Variants in ACADS observed in about 807,000 individuals in gnomAD.
ACADS encodes acyl-CoA dehydrogenase short chain.
Under a neutral mutation model 46.8 loss-of-function variants are expected in ACADS, and 28 were observed. That is an observed-to-expected ratio of 0.60 (90% confidence interval 0.44 to 0.82). ACADS has a LOEUF of 0.82. ACADS is among the 40% of genes least tolerant of loss of function. ACADS has a pLI of 0.00. For synonymous variants in ACADS, 236 were observed against 237.7 expected (o/e 0.99, Z 0.07); for missense variants, 528 against 578.0 (o/e 0.91, Z 0.89).
At chr12:120,736,018 T>TGTCCCC (rs761854740) in intron 2 of ACADS, among the ~76,000 whole-genome samples, 1 of 148,134 alleles carries the variant, frequency 6.8e-6, no homozygotes, top group Non-Finnish European at 1.5e-5. Context: ...TCCCTGTCCC[T>TGTCCCC]GTCCCCGTCC....
chr12:120,729,260 T>TTTTTC, intron 2 of ACADS, among the ~76,000 whole-genome samples: 2 of 29,128 alleles, frequency 6.9e-5, no homozygotes. Flanking sequence ...TCTTTTTTCT[T>TTTTTC]TTTTTTTTTT....
rs71076650 is a variant in ACADS, at chr12:120,735,271, C to CAAA, written c.211-1699_211-1697dup. On this transcript the variant is annotated intron_variant, in intron 2 of 9. Transcript: ENST00000242592. Reference sequence around the variant, plus strand: ...TGGGCAACAAAGTGAGACTCTGTTTCAAAAAAAAAAAAAAAAAAGAAAAAA... The same window carrying CAAA: ...TGGGCAACAAAGTGAGACTCTGTTTCAAAAAAAAAAAAAAAAAAAAAGAAAAAA... Among the ~76,000 whole-genome samples the CAAA allele has an allele frequency of 9.0e-5, 5 of 55,644 alleles. No homozygotes were observed. The Admixed American group carries it at 1.1e-3, about 12-fold the overall frequency. 36.5% of individuals were successfully genotyped at this position (55,644 alleles called of 152,430 possible).
rs763181795 is a variant in ACADS at position 120,727,054 on chromosome 12, A to G, written c.75A>G (p.Leu25=). The G allele has an allele frequency of 9.3e-6, 15 of 1,614,114 alleles. No individual in the cohort carries two copies. The highest frequency in any genetic ancestry group is 2.2e-5 in the East Asian group (1 of 44,874). The part of the protein sequence containing the change: ...RALCPRAWRQ[L]HTIYQSVELP... ...TCTGTCCTAGGGCCTGGCGGCAGTT[A>G]CACACCATCTACCAGTCTGTGGAAC... The change falls in exon 2 of 10, where the codon TTA becomes TTG. Residue 25 remains leucine, a synonymous_variant. Coordinates refer to ENST00000242592, the MANE Select transcript of ACADS (RefSeq NM_000017.4).
chr12:120,732,337 G>T (rs1228545040), intron 2 of ACADS, among the ~76,000 whole-genome samples: 1 of 151,714 alleles, frequency 6.6e-6, no homozygotes, highest in Non-Finnish European at 1.5e-5. Context: ...CCCGGACGGG[G>T]TGGCTGCCGG....
chr12:120,732,803 C>T (rs1006217300), intron 2 of ACADS, among the ~76,000 whole-genome samples: 9 of 152,154 alleles, frequency 5.9e-5, no homozygotes, highest in Non-Finnish European at 1.0e-4. Context: ...AGACGCTCCT[C>T]ATTTCCCAGA....
chr12:120,737,489 C>T (rs1455853179), intron 4 of ACADS, 22 bp downstream of exon 4: 2 of 1,595,302 alleles, frequency 1.3e-6, no homozygotes, highest in Admixed American at 3.3e-5. Context: ...GTCCCCTCAC[C>T]TGTCCTTAGG....
intron 1 of ACADS, 48 bp downstream of exon 1, chr12:120,725,979 C>T: frequency 6.0e-6 from 9 of 1,491,730 alleles, no homozygotes; most frequent in South Asian, 2.5e-5. Flanking sequence ...CCGCGTCTGG[C>T]CCAGCGGGCG....
At chr12:120,726,003 C>A in intron 1 of ACADS, 72 bp downstream of exon 1, 1 of 1,432,462 alleles carries the variant, frequency 7.0e-7, no homozygotes. Context: ...GTCCTGGCGG[C>A]CGGCTCTGTC....
intron 1 of ACADS, among the ~76,000 whole-genome samples, chr12:120,726,261 C>T (rs900321331): frequency 1.3e-5 from 2 of 151,948 alleles, no homozygotes; most frequent in African/African-American, 4.8e-5. Flanking sequence ...TGAACCAGAC[C>T]CGCATCTGTG....
At chr12:120,734,988 A>T (rs1699181494) in intron 2 of ACADS, among the ~76,000 whole-genome samples, 1 of 151,216 alleles carries the variant, frequency 6.6e-6, no homozygotes, top group Non-Finnish European at 1.5e-5. Context: ...CTGGCTTCAA[A>T]TGATCCACCC....
Position 120,736,527 on chromosome 12 carries a change from C to T in ACADS, c.211-459C>T, listed in dbSNP as rs139476971. On this transcript the variant is annotated intron_variant, in intron 2 of 9. Coordinates refer to ENST00000242592, the MANE Select transcript of ACADS (RefSeq NM_000017.4). ...GGCTGGGGATGGCAGCCCAAAGCAG[C>T]GAGGCCTGAGCTGCGATCAGAAGGA... 1.9e-3 allele frequency among the ~76,000 whole-genome samples: 286 copies of T among 152,284 alleles called. 1 individual carries two copies. Among genetic ancestry groups the T allele is most frequent in the African/African-American group, 6.6e-3 (276 of 41,528 alleles).
chr12:120,737,741 T>G, intron 4 of ACADS, 96 bp from the exon 5 acceptor site: 1 of 1,559,864 alleles, frequency 6.4e-7, no homozygotes, highest in African/African-American at 1.4e-5. Flanking sequence ...GTCATAGGGT[T>G]TCGTGTCTGC....
Position 120,737,969 on chromosome 12 carries a change from A to G in ACADS, c.605A>G (p.Asp202Gly). The change falls in exon 5 of 10, where the codon GAC becomes GGC. Residue 202 changes from aspartate (D) to glycine (G), a missense_variant. Asp to Gly is a moderately conservative substitution (Grantham distance 94, BLOSUM62 -1). Transcript: ENST00000242592. ...ASAAVVFAST[D>G]RALQNKGISA... is the part of the protein sequence containing the mutation. ...GCTGCCGTGGTCTTTGCCAGCACGG[A>G]CAGAGCCCTGCAAAACAAGGTGGGC... is the stretch of plus-strand genomic sequence containing the variant. 1 of 1,614,018 alleles carries G rather than the reference A, an allele frequency of 6.2e-7. No homozygotes were observed. The highest frequency in any genetic ancestry group is 8.5e-7 in the Non-Finnish European group (1 of 1,180,026).
chr12:120,727,138 G>T lies in ACADS; in HGVS notation c.159G>T (p.Leu53Phe). Residue 53 changes from leucine (L) to phenylalanine (F), a missense_variant, in exon 2 of 10, where the codon TTG (leucine) becomes TTT (phenylalanine). By Grantham distance (22) the Leu-to-Phe change is conservative (BLOSUM62 0). Transcript: ENST00000242592. ...GCCGGGACTTTGCCGAGAAGGAGTTGTTTCCCATTGCAGCCCAGGTGGATA... is the reference window on the plus strand; with the variant it reads ...GCCGGGACTTTGCCGAGAAGGAGTTTTTTCCCATTGCAGCCCAGGTGGATA... ...QTCRDFAEKE[L>F]FPIAAQVDKE... 6.2e-7 allele frequency: 1 copy of T among 1,614,184 alleles called. No individual in the cohort carries two copies. The highest frequency in any genetic ancestry group is 1.3e-5 in the African/African-American group (1 of 75,058).
chr12:120,730,755 G>A (rs1286705495), intron 2 of ACADS, among the ~76,000 whole-genome samples: 1 of 150,874 alleles, frequency 6.6e-6, no homozygotes, highest in Non-Finnish European at 1.5e-5. Context: ...TTTATTCCAG[G>A]GTTTTATACC....
In ACADS at chr12:120,728,947, C is replaced by T. The variant is rs541351833; in HGVS notation, c.210+1758C>T. ...GGGAAAGGGGTCTTACAGTTTCTTA[C>T]GGTTTCTCTTGGGAGTCTGGAGACC... On this transcript the variant is annotated intron_variant, in intron 2 of 9. Coordinates refer to ENST00000242592, the MANE Select transcript of ACADS (RefSeq NM_000017.4). The surrounding 1 kb of genome is among the most constrained non-coding windows in gnomAD (Gnocchi z 4.0). Among the ~76,000 whole-genome samples, 61 of 152,224 alleles carry T rather than the reference C, an allele frequency of 4.0e-4. No homozygotes were observed. Among genetic ancestry groups the T allele is most frequent in the Non-Finnish European group, 6.8e-4 (46 of 68,040 alleles).
chr12:120,737,345 T>C lies in ACADS; in HGVS notation c.361-11T>C. 6.2e-7 allele frequency: 1 copy of C among 1,613,122 alleles called. No individual in the cohort carries two copies. The highest frequency in any genetic ancestry group is 1.1e-5 in the South Asian group (1 of 91,036). ...CCTGGGGCCTCCGACCGCTCCCCGC[T>C]GTCCTCCTAGTCTCTCTACCTGGGG... On this transcript the variant is annotated splice_polypyrimidine_tract_variant and intron_variant, in intron 3 of 9. Coordinates refer to ENST00000242592, the MANE Select transcript of ACADS (RefSeq NM_000017.4).
Position 120,738,280 on chromosome 12 carries a change from G to A in ACADS, c.625G>A (p.Gly209Ser), listed in dbSNP as rs1799958. ...ASTDRALQNKGISAFLVPMPT... is the reference protein window; with the variant it reads ...ASTDRALQNKSISAFLVPMPT... ...GAAAACCACCCGCCTCTCCTTTCAG[G>A]GCATCAGTGCCTTCCTGGTCCCCAT... The change falls in exon 6 of 10, where the codon GGC (glycine) becomes AGC (serine). Residue 209 changes from glycine (G) to serine (S), a missense_variant and splice_region_variant. By Grantham distance (56) the Gly-to-Ser change is moderately conservative (BLOSUM62 0). Coordinates refer to ENST00000242592, the MANE Select transcript of ACADS (RefSeq NM_000017.4). 0.25 allele frequency: 409,850 copies of A among 1,613,942 alleles called. 54,922 individuals are homozygous for A. The highest frequency in any genetic ancestry group is 0.37 in the Middle Eastern group (2,223 of 6,060).
chr12:120,736,260 G>A (rs1592938914), intron 2 of ACADS, among the ~76,000 whole-genome samples: 1 of 152,148 alleles, frequency 6.6e-6, no homozygotes, highest in Non-Finnish European at 1.5e-5. Flanking sequence ...GGGATTACAG[G>A]TGTGATCACT....
Sources: gnomAD v4.1 joint callset for allele counts (sites outside exome capture counted in the v4.1 genomes callset) on GRCh38, gnomAD v4.1.1 for gene constraint, Gnocchi (gnomAD v3.1) non-coding constraint, MANE v1.5 for transcripts, NCBI Gene and HGNC (gene_info 2026-07-23, HGNC 2026-07-21) for gene names.